Variants in MMS22L observed in about 807,000 individuals in gnomAD.
MMS22L encodes the protein protein MMS22-like.
Under a neutral mutation model 159.1 loss-of-function variants are expected in MMS22L, and 74 were observed. That is an observed-to-expected ratio of 0.47 (90% CI 0.39 to 0.56). The LOEUF is 0.56. Ranked by LOEUF, MMS22L falls within the 20% of genes least tolerant of loss-of-function variation. MMS22L has a pLI of 0.00. For synonymous variants in MMS22L, 517 were observed against 506.9 expected, an observed-to-expected ratio of 1.02 and a Z score of -0.27; for missense variants, 1,351 against 1,422.1, an observed-to-expected ratio of 0.95 and a Z score of 0.80.
chr6:97,227,418 G>C (rs1366323855), intron 14 of MMS22L, among the ~76,000 whole-genome samples: 2 of 151,930 alleles, frequency 1.3e-5, no homozygotes, highest in Non-Finnish European at 2.9e-5. Context: ...TTCTTGTTTT[G>C]TATATTCAGA....
At chr6:97,235,968 T>C (rs920726329) in intron 11 of MMS22L, among the ~76,000 whole-genome samples, 1 of 152,156 alleles carries the variant, frequency 6.6e-6, no homozygotes, top group African/African-American at 2.4e-5. Flanking sequence ...TATTTTTCAA[T>C]GATTTATGAG....
At chr6:97,253,305 C>A (rs1336802984) in intron 10 of MMS22L, among the ~76,000 whole-genome samples, 5 of 152,102 alleles carry the variant, frequency 3.3e-5, no homozygotes. Flanking sequence ...ATCCAATATT[C>A]CAAAGAGGAA....
intron 9 of MMS22L, among the ~76,000 whole-genome samples, chr6:97,258,319 A>G (rs1814053828): frequency 6.6e-6 from 1 of 152,192 alleles, no homozygotes; most frequent in East Asian, 1.9e-4. Flanking sequence ...TTTCTGGTAC[A>G]AGATGTTTCA....
intron 24 of MMS22L, among the ~76,000 whole-genome samples, chr6:97,147,501 C>G (rs1800975368): frequency 6.6e-6 from 1 of 152,170 alleles, no homozygotes; most frequent in African/African-American, 2.4e-5. Flanking sequence ...TATGGGCCTG[C>G]ATAACCACAC....
intron 14 of MMS22L, among the ~76,000 whole-genome samples, chr6:97,224,478 A>C (rs2127986995): frequency 6.6e-6 from 1 of 152,172 alleles, no homozygotes; most frequent in Middle Eastern, 3.4e-3. Context: ...TAGTACTAAA[A>C]AAATCAAAGA....
chr6:97,192,750 G>A (rs1806025538), intron 14 of MMS22L, among the ~76,000 whole-genome samples: 2 of 152,126 alleles, frequency 1.3e-5, no homozygotes, highest in African/African-American at 2.4e-5. Context: ...AACTATTAGG[G>A]TTGGCCAGAG....
intron 14 of MMS22L, among the ~76,000 whole-genome samples, chr6:97,227,615 A>T (rs1221733488): frequency 6.6e-6 from 1 of 152,252 alleles, no homozygotes; most frequent in African/African-American, 2.4e-5. Context: ...AGCTAGTAAT[A>T]GAAATAAATT....
intron 11 of MMS22L, among the ~76,000 whole-genome samples, chr6:97,234,924 T>C (rs1275958335): frequency 6.6e-6 from 1 of 152,192 alleles, no homozygotes; most frequent in East Asian, 1.9e-4. Flanking sequence ...ATTAGTAGGC[T>C]TGGTATTATA....
At chr6:97,192,434 A>G (rs1037884686) in intron 14 of MMS22L, among the ~76,000 whole-genome samples, 1 of 152,188 alleles carries the variant, frequency 6.6e-6, no homozygotes, top group African/African-American at 2.4e-5. Context: ...CATCTGTTAA[A>G]TGGAAATAAG....
At chr6:97,178,332 T>C in intron 18 of MMS22L, 111 bp downstream of exon 18, 1 of 814,080 alleles carries the variant, frequency 1.2e-6, no homozygotes, top group South Asian at 2.5e-5. Context: ...ATCAATAATA[T>C]GATTCAATTT....
intron 8 of MMS22L, 29 bp downstream of exon 8, chr6:97,267,843 C>T (rs775549439): frequency 1.9e-6 from 3 of 1,556,556 alleles, no homozygotes; most frequent in Non-Finnish European, 2.6e-6. Flanking sequence ...GTCTTTAAGT[C>T]TCAAAAATAC....
intron 20 of MMS22L, among the ~76,000 whole-genome samples, chr6:97,165,753 T>C (rs1228266316): frequency 6.6e-6 from 1 of 152,100 alleles, no homozygotes; most frequent in Non-Finnish European, 1.5e-5. Flanking sequence ...ATCAGAACAC[T>C]TGAACATCTT....
At chr6:97,270,528 C>T (rs957790181) in intron 6 of MMS22L, 11 of 272,246 alleles carry the variant, frequency 4.0e-5, no homozygotes, top group African/African-American at 2.5e-4. Context: ...TGAGTCAAAA[C>T]CCAGCACTTT....
chr6:97,163,156 T>C (rs1305319315), intron 21 of MMS22L, among the ~76,000 whole-genome samples: 1 of 151,950 alleles, frequency 6.6e-6, no homozygotes, highest in Non-Finnish European at 1.5e-5. Flanking sequence ...AGAACAAACA[T>C]ATATTGGGCG....
rs559644951 is a variant in MMS22L at position 97,200,422 on chromosome 6, A to G, written c.2040-13732T>C. ...TCTGTGGGGTTTATTATAAAGCTCCATTATTAGGGCTGAGAGCCTCAAAGG... is the reference window on the plus strand; with the variant it reads ...TCTGTGGGGTTTATTATAAAGCTCCGTTATTAGGGCTGAGAGCCTCAAAGG... On this transcript the variant is annotated intron_variant, in intron 14 of 24. Transcript: ENST00000683635. 1.4e-4 allele frequency among the ~76,000 whole-genome samples: 21 copies of G among 152,230 alleles called. 1 individual carries two copies. In the South Asian group the frequency reaches 3.7e-3, roughly 27 times the overall value.
At chr6:97,249,035 C>T (rs1812959317) in intron 10 of MMS22L, among the ~76,000 whole-genome samples, 1 of 8,276 alleles carries the variant, frequency 1.2e-4, no homozygotes, top group African/African-American at 2.3e-4. Context: ...TAGCTTAGGG[C>T]CTGGTCACAC....
rs929082728 is a variant in MMS22L at position 97,252,769 on chromosome 6, A to T, written c.1119+1788T>A. 2.0e-5 allele frequency among the ~76,000 whole-genome samples: 3 copies of T among 152,188 alleles called. No individual in the cohort carries two copies. In the South Asian group the frequency reaches 6.2e-4, roughly 32 times the overall value. On this transcript the variant is annotated intron_variant, in intron 10 of 24. Transcript: ENST00000683635. ...CTAATTGCCATACTTACTTACATTG[A>T]TTAAAATGAGAAATATATACTTGGA...
At chr6:97,240,163 G>A (rs532457890) in intron 11 of MMS22L, among the ~76,000 whole-genome samples, 2 of 152,134 alleles carry the variant, frequency 1.3e-5, no homozygotes, top group African/African-American at 4.8e-5. Context: ...ACCTACTACT[G>A]CTCCCACAAA....
chr6:97,239,686 G>C (rs1445716588), intron 11 of MMS22L, among the ~76,000 whole-genome samples: 2 of 152,182 alleles, frequency 1.3e-5, no homozygotes, highest in African/African-American at 4.8e-5. Flanking sequence ...AGCTGAGGCA[G>C]GAGGATTCCT....
Sources: gnomAD v4.1 joint callset for allele counts (sites outside exome capture counted in the v4.1 genomes callset) on GRCh38, gnomAD v4.1.1 for gene constraint, MANE v1.5 for transcripts, NCBI Gene and HGNC (gene_info 2026-07-23, HGNC 2026-07-21) for gene names.